The following PCDHA9 variants were observed in gnomAD, a reference collection of about 807,000 sequenced individuals.
The protein encoded by PCDHA9 is protocadherin alpha 9, also known as protocadherin alpha-9.
A neutral mutation model predicts 62.0 loss-of-function variants in PCDHA9; 62 were observed. The observed-to-expected ratio is 1.00, with a 90% CI of 0.81 to 1.23. The LOEUF is 1.23. Among genes scored for constraint, PCDHA9 ranks in the 50% most tolerant of loss-of-function variants. The pLI, the probability that PCDHA9 is intolerant of heterozygous loss-of-function variation, is 0.00. For missense variants in PCDHA9, 1,205 were observed against 1,249.8 expected (o/e 0.96, Z 0.54); for synonymous variants, 557 against 567.6 (o/e 0.98, Z 0.27).
chr5:140,905,826 T>C (rs782149349), intron 1 of PCDHA9, among the ~76,000 whole-genome samples: 8 of 152,170 alleles, frequency 5.3e-5, no homozygotes, highest in Non-Finnish European at 7.3e-5. Flanking sequence ...TAGATGTGTA[T>C]ATAAAGGGGA....
At chr5:140,879,208 A>C (rs546096733) in intron 1 of PCDHA9, among the ~76,000 whole-genome samples, 1 of 152,362 alleles carries the variant, frequency 6.6e-6, no homozygotes, top group East Asian at 1.9e-4. Context: ...ATGGCAGTAG[A>C]AATGAATTGA....
At chr5:140,971,117 G>A (rs868931936) in intron 1 of PCDHA9, among the ~76,000 whole-genome samples, 1 of 152,162 alleles carries the variant, frequency 6.6e-6, no homozygotes, top group Admixed American at 6.5e-5. Flanking sequence ...ATTGGGGTGG[G>A]CTACAGGTGG....
At chr5:140,862,902 G>C (rs782710771) in intron 1 of PCDHA9, 1 of 554,284 alleles carries the variant, frequency 1.8e-6, no homozygotes, top group Non-Finnish European at 3.5e-6. Context: ...CTTTGTCTGC[G>C]CTGCTGGCGC....
At chr5:140,862,638 C>T (rs782579250) in intron 1 of PCDHA9, 2 of 539,918 alleles carry the variant, frequency 3.7e-6, no homozygotes, top group African/African-American at 1.9e-5. Flanking sequence ...GCCACGACTT[C>T]ACAGTGTCCG....
At chr5:140,983,408 A>G (rs1554245369) in intron 3 of PCDHA9, among the ~76,000 whole-genome samples, 1 of 152,208 alleles carries the variant, frequency 6.6e-6, no homozygotes, top group Non-Finnish European at 1.5e-5. Flanking sequence ...GGGAAGATTA[A>G]GTGTTGGTAG....
At chr5:140,884,446 G>C in intron 1 of PCDHA9, 1 of 1,613,770 alleles carries the variant, frequency 6.2e-7, no homozygotes, top group Non-Finnish European at 8.5e-7. Context: ...GCTCGGCACC[G>C]CCCACCGAGG....
chr5:140,977,345 T>C lies in PCDHA9; in HGVS notation c.2395-1604T>C, dbSNP rs139865600. Among the ~76,000 whole-genome samples, 25 of 152,342 alleles carry C rather than the reference T, an allele frequency of 1.6e-4. No homozygotes were observed. In the East Asian group the frequency reaches 4.8e-3, roughly 29 times the overall value. ...ATGGCGAGGGGAGAGACGGTGATGATGACTGATTGATAAAAAGTATTTTAG... is the reference window on the plus strand; with the variant it reads ...ATGGCGAGGGGAGAGACGGTGATGACGACTGATTGATAAAAAGTATTTTAG... On this transcript the variant is annotated intron_variant, in intron 1 of 3. Transcript: ENST00000532602.
At chr5:140,894,035 T>C (rs1554185902) in intron 1 of PCDHA9, among the ~76,000 whole-genome samples, 1 of 152,220 alleles carries the variant, frequency 6.6e-6, no homozygotes, top group Non-Finnish European at 1.5e-5. Context: ...ATACTGGTAA[T>C]GTAAGTCCTC....
chr5:141,010,089 G>T lies in PCDHA9; in HGVS notation c.*152G>T. On this transcript the variant is annotated 3_prime_UTR_variant, in exon 4 of 4. Coordinates refer to ENST00000532602, the MANE Select transcript of PCDHA9 (RefSeq NM_031857.2). The stretch of plus-strand genomic sequence containing the variant: ...AAAGTTCCCTGTGTCTGTCTAGAAC[G>T]CATTTAACAGGTTTTGTCGTAAAAG... 2 of 1,612,296 alleles carry T rather than the reference G, an allele frequency of 1.2e-6. No individual in the cohort carries two copies. Among genetic ancestry groups the T allele is most frequent in the East Asian group, 2.2e-5 (1 of 44,872 alleles).
chr5:140,932,952 T>G (rs2088746376), intron 1 of PCDHA9, among the ~76,000 whole-genome samples: 1 of 152,008 alleles, frequency 6.6e-6, no homozygotes, highest in Non-Finnish European at 1.5e-5. Flanking sequence ...GAAGGTGGAC[T>G]AAATTGCTGA....
At chr5:140,927,651 C>A in intron 1 of PCDHA9, 2 of 1,614,216 alleles carry the variant, frequency 1.2e-6, no homozygotes, top group Non-Finnish European at 1.7e-6. Context: ...CTGTGTTATT[C>A]CGAGTTCAAG....
intron 1 of PCDHA9, among the ~76,000 whole-genome samples, chr5:140,935,292 G>A (rs782760921): frequency 3.0e-4 from 46 of 152,068 alleles, no homozygotes; most frequent in Non-Finnish European, 3.8e-4. Context: ...TCAGCACTCC[G>A]AGGTTTTTAC....
At chr5:140,858,197 A>G (rs782680459) in intron 1 of PCDHA9, 4 of 1,597,058 alleles carry the variant, frequency 2.5e-6, no homozygotes, top group Non-Finnish European at 2.6e-6. Flanking sequence ...GCTGCTGTAC[A>G]CTGCACTGAG....
At chr5:140,972,798 A>G (rs782291338) in intron 1 of PCDHA9, among the ~76,000 whole-genome samples, 6 of 151,178 alleles carry the variant, frequency 4.0e-5, no homozygotes, top group Admixed American at 2.6e-4. Flanking sequence ...TGAGTAGCTG[A>G]GATTACAGGC....
chr5:140,872,477 A>G (rs968507113), intron 1 of PCDHA9, among the ~76,000 whole-genome samples: 3 of 152,118 alleles, frequency 2.0e-5, no homozygotes, highest in African/African-American at 7.2e-5. Flanking sequence ...AAATTAAAAA[A>G]TTAGCCAGAC....
chr5:140,919,097 C>T lies in PCDHA9; in HGVS notation c.2395-59852C>T, dbSNP rs531325561. Among the ~76,000 whole-genome samples the T allele has an allele frequency of 5.3e-5, 8 of 152,242 alleles. No homozygotes were observed. The South Asian group carries it at 1.7e-3, about 32-fold the overall frequency. ...TATGACTATTGAATTGTCTATTTCT[C>T]CCTTCATTTCTGCCAGTTTTTGCTT... On this transcript the variant is annotated intron_variant, in intron 1 of 3. Coordinates refer to ENST00000532602, the MANE Select transcript of PCDHA9 (RefSeq NM_031857.2).
chr5:140,968,077 C>A lies in PCDHA9; in HGVS notation c.2395-10872C>A, dbSNP rs1274008262. 2.5e-6 allele frequency: 4 copies of A among 1,614,020 alleles called. No homozygotes were observed. In the African/African-American group the frequency reaches 4.0e-5, roughly 16 times the overall value. On this transcript the variant is annotated intron_variant, in intron 1 of 3. Coordinates refer to ENST00000532602, the MANE Select transcript of PCDHA9 (RefSeq NM_031857.2). ...GAGAGCGGGTGGCTGTCTACAACAT[C>A]ACGGTGACAGCCACAGATGGGGGAA...
chr5:140,883,447 C>T (rs967998655), intron 1 of PCDHA9: 13 of 1,614,168 alleles, frequency 8.1e-6, no homozygotes, highest in Non-Finnish European at 1.0e-5. Flanking sequence ...CGCCGCATGT[C>T]CCCTTCAAGC....
rs1554214040 is a variant in PCDHA9, at chr5:140,941,214, C to CCTTCCTTTCTTTCTTTCTTTCTTTCTTT, written c.2395-37732_2395-37731insCCTTTCTTTCTTTCTTTCTTTCTTTCTT. Reference sequence around the variant, plus strand: ...TTTTTTCTTTCTTCCTTTCTTTCTTCCTTTCTTTCTTTCTTTCTTTCTTTC... The same window carrying CCTTCCTTTCTTTCTTTCTTTCTTTCTTT: ...TTTTTTCTTTCTTCCTTTCTTTCTTCCTTCCTTTCTTTCTTTCTTTCTTTCTTTCTTTCTTTCTTTCTTTCTTTCTTTC... On this transcript the variant is annotated intron_variant, in intron 1 of 3. Transcript: ENST00000532602. Among the ~76,000 whole-genome samples, 25 of 122,492 alleles carry CCTTCCTTTCTTTCTTTCTTTCTTTCTTT rather than the reference C, an allele frequency of 2.0e-4. 1 individual carries two copies. Among genetic ancestry groups the CCTTCCTTTCTTTCTTTCTTTCTTTCTTT allele is most frequent in the East Asian group, 4.6e-4 (2 of 4,322 alleles). The allele number at this position is 122,492 out of a possible 152,430, so 80.4% of individuals were successfully genotyped here.
Sources: allele counts gnomAD v4.1 joint callset (sites outside exome capture counted in the v4.1 genomes callset), GRCh38; gene constraint gnomAD v4.1.1; transcripts MANE v1.5; gene names NCBI Gene and HGNC (gene_info 2026-07-23, HGNC 2026-07-21).